SLC25A13: variants seen among roughly 807,000 people sequenced by gnomAD.
SLC25A13 encodes electrogenic aspartate/glutamate antiporter SLC25A13, mitochondrial.
SLC25A13 carries 70 observed loss-of-function variants against 85.5 expected under a neutral mutation model. The observed-to-expected ratio is 0.82, with a 90% CI of 0.68 to 1.00. SLC25A13 has a LOEUF of 1.00. Among genes scored for constraint, SLC25A13 ranks in the 50% least tolerant of loss-of-function variants. The pLI, the probability that SLC25A13 is intolerant of heterozygous loss-of-function variation, is 0.00. For synonymous variants in SLC25A13, 259 were observed against 288.7 expected, an observed-to-expected ratio of 0.90 and a Z score of 1.04; for missense variants, 765 against 819.8, an observed-to-expected ratio of 0.93 and a Z score of 0.82.
At chr7:96,259,011 T>C (rs1303913785) in intron 3 of SLC25A13, among the ~76,000 whole-genome samples, 4 of 152,186 alleles carry the variant, frequency 2.6e-5, no homozygotes, top group Non-Finnish European at 5.9e-5. Context: ...TGGCTAACCA[T>C]ATGCAGAAAA....
chr7:96,317,357 G>A (rs1034176882), intron 1 of SLC25A13, among the ~76,000 whole-genome samples: 1 of 151,920 alleles, frequency 6.6e-6, no homozygotes, highest in Non-Finnish European at 1.5e-5. Context: ...TAACTCAAAA[G>A]GCTGAGGCAT....
intron 3 of SLC25A13, among the ~76,000 whole-genome samples, chr7:96,260,069 G>T (rs1797791773): frequency 6.6e-6 from 1 of 152,038 alleles, no homozygotes; most frequent in Non-Finnish European, 1.5e-5. Flanking sequence ...TGGGGAGCAA[G>T]GGGAGGGATA....
intron 1 of SLC25A13, among the ~76,000 whole-genome samples, chr7:96,317,055 C>T (rs992748786): frequency 1.3e-5 from 2 of 152,234 alleles, no homozygotes; most frequent in African/African-American, 2.4e-5. Context: ...CTGCAACCTC[C>T]GCCTCCCAGG....
At chr7:96,156,528 T>C (rs576675710) in intron 13 of SLC25A13, among the ~76,000 whole-genome samples, 1 of 152,168 alleles carries the variant, frequency 6.6e-6, no homozygotes, top group South Asian at 2.1e-4. Context: ...CTTAGCTCAC[T>C]GCAAGCTCTG....
chr7:96,272,947 C>G (rs571631687), intron 3 of SLC25A13, among the ~76,000 whole-genome samples: 2 of 152,250 alleles, frequency 1.3e-5, no homozygotes, highest in African/African-American at 4.8e-5. Flanking sequence ...GAGAAAATAT[C>G]CATGTGATCT....
At chr7:96,285,751 T>G (rs148026007) in intron 2 of SLC25A13, among the ~76,000 whole-genome samples, 4 of 152,194 alleles carry the variant, frequency 2.6e-5, no homozygotes, top group African/African-American at 9.7e-5. Context: ...TAAGATGTGG[T>G]CATTGTTATA....
At chr7:96,159,604 A>T (rs979971251) in intron 13 of SLC25A13, among the ~76,000 whole-genome samples, 2 of 152,226 alleles carry the variant, frequency 1.3e-5, no homozygotes, top group African/African-American at 4.8e-5. Context: ...GGTATGAGGC[A>T]TTTTGTTATG....
intron 1 of SLC25A13, among the ~76,000 whole-genome samples, chr7:96,308,769 G>C (rs1041544422): frequency 6.6e-6 from 1 of 152,122 alleles, no homozygotes; most frequent in Admixed American, 6.5e-5. Flanking sequence ...AACAACAACT[G>C]AGAAGAAAAA....
intron 5 of SLC25A13, among the ~76,000 whole-genome samples, chr7:96,206,907 C>G (rs1369125190): frequency 6.6e-6 from 1 of 152,190 alleles, no homozygotes; most frequent in East Asian, 1.9e-4. Flanking sequence ...ATCATCCTTA[C>G]TACTGCTAAC....
chr7:96,182,900 C>T (rs1274933392), intron 11 of SLC25A13, among the ~76,000 whole-genome samples: 1 of 152,172 alleles, frequency 6.6e-6, no homozygotes, highest in African/African-American at 2.4e-5. Context: ...GATGTCTGCC[C>T]AGACTTGAGA....
At chr7:96,306,457 G>A (rs1471856590) in intron 1 of SLC25A13, among the ~76,000 whole-genome samples, 8 of 151,986 alleles carry the variant, frequency 5.3e-5, no homozygotes, top group Admixed American at 1.3e-4. Flanking sequence ...CCTTGGGCCT[G>A]TGTGGCCAGA....
chr7:96,163,350 C>G (rs2116548590), intron 13 of SLC25A13, among the ~76,000 whole-genome samples: 1 of 152,288 alleles, frequency 6.6e-6, no homozygotes, highest in South Asian at 2.1e-4. Flanking sequence ...ACAGCCCCAG[C>G]TGTTCAGTTA....
rs549051325 is a variant in SLC25A13, at chr7:96,149,535, G to C, written c.1312-2839C>G. Among the ~76,000 whole-genome samples the C allele has an allele frequency of 2.0e-5, 3 of 152,302 alleles. No individual in the cohort carries two copies. In the South Asian group the frequency reaches 6.2e-4, roughly 32 times the overall value. On this transcript the variant is annotated intron_variant, in intron 13 of 17. Transcript: ENST00000265631. ...AAATCCACTTCAGAGAGCTGCAGGA[G>C]GCAGATGCACGGGGAAGAAAGAATG... is the stretch of plus-strand genomic sequence containing the variant.
In SLC25A13 at chr7:96,174,022, T is replaced by C. The variant is rs1322150791; in HGVS notation, c.1178-2498A>G. On this transcript the variant is annotated intron_variant, in intron 11 of 17. Transcript: ENST00000265631. Reference sequence around the variant, plus strand: ...TAATATCACAAGGAAGCAGAAACCATGAATAAGCAGAGGAAGTGCATTGGT... The same window carrying C: ...TAATATCACAAGGAAGCAGAAACCACGAATAAGCAGAGGAAGTGCATTGGT... Among the ~76,000 whole-genome samples, 5 of 152,180 alleles carry C rather than the reference T, an allele frequency of 3.3e-5. No individual in the cohort carries two copies. In the East Asian group the frequency reaches 9.7e-4, roughly 30 times the overall value.
At chr7:96,137,632 TTTTC>T (rs1205483744) in intron 14 of SLC25A13, among the ~76,000 whole-genome samples, 9 of 152,268 alleles carry the variant, frequency 5.9e-5, no homozygotes, top group Non-Finnish European at 8.8e-5. Flanking sequence ...ATGTTCCACC[TTTTC>T]TTTATTTCTT....
At chr7:96,257,735 T>C (rs1401676777) in intron 3 of SLC25A13, among the ~76,000 whole-genome samples, 2 of 152,134 alleles carry the variant, frequency 1.3e-5, no homozygotes, top group African/African-American at 4.8e-5. Flanking sequence ...ATCATCCTAA[T>C]ACCAAAATCT....
intron 4 of SLC25A13, among the ~76,000 whole-genome samples, chr7:96,212,701 T>C (rs1317665904): frequency 1.3e-5 from 2 of 152,180 alleles, no homozygotes; most frequent in African/African-American, 4.8e-5. Flanking sequence ...TAGATCCTGC[T>C]CCAGGTAGCC....
At chr7:96,231,645 A>G (rs1796544310) in intron 4 of SLC25A13, among the ~76,000 whole-genome samples, 5 of 151,390 alleles carry the variant, frequency 3.3e-5, no homozygotes, top group Non-Finnish European at 1.5e-5. Flanking sequence ...AACTGCTTGA[A>G]CCCAGGAGGT....
intron 14 of SLC25A13, among the ~76,000 whole-genome samples, chr7:96,142,934 G>A (rs1373588087): frequency 6.6e-6 from 1 of 152,028 alleles, no homozygotes; most frequent in Non-Finnish European, 1.5e-5. Context: ...TTATGTATAT[G>A]GATAAAAATA....
Sources: gnomAD v4.1 joint callset for allele counts (sites outside exome capture counted in the v4.1 genomes callset) on GRCh38, gnomAD v4.1.1 for gene constraint, MANE v1.5 for transcripts, NCBI Gene and HGNC (gene_info 2026-07-23, HGNC 2026-07-21) for gene names.